The following EXOC6B variants were observed in gnomAD, a reference collection of about 807,000 sequenced individuals.
The protein encoded by EXOC6B is SEC15 homolog B.
Under a neutral mutation model 113.5 loss-of-function variants are expected in EXOC6B, and 54 were observed. The observed-to-expected ratio is 0.48, with a 90% CI of 0.38 to 0.60. The LOEUF is 0.60. EXOC6B is among the 20% of genes least tolerant of loss of function. The pLI is 0.00. For synonymous variants in EXOC6B, 357 were observed against 339.0 expected, an observed-to-expected ratio of 1.05 and a Z score of -0.58; for missense variants, 797 against 977.5, an observed-to-expected ratio of 0.82 and a Z score of 2.46.
chr2:72,506,290 T>C (rs1700591263), intron 11 of EXOC6B, among the ~76,000 whole-genome samples: 1 of 152,156 alleles, frequency 6.6e-6, no homozygotes, highest in Admixed American at 6.5e-5. Flanking sequence ...ACTGCCTAGA[T>C]AGGAGATTTC....
At chr2:72,265,019 G>A (rs13395517) in intron 20 of EXOC6B, among the ~76,000 whole-genome samples, 2,144 of 152,022 alleles carry the variant, frequency 0.014, 53 homozygotes, top group African/African-American at 0.049. Flanking sequence ...AAACGTGGAA[G>A]CGACTTTGGA....
chr2:72,636,927 CA>C (rs35608424), intron 6 of EXOC6B, among the ~76,000 whole-genome samples: 2,744 of 140,672 alleles, frequency 0.02, 42 homozygotes, highest in Non-Finnish European at 0.029. Flanking sequence ...AAGCAATCTA[CA>C]AAAAAAAAAA....
chr2:72,823,208 T>C (rs543778291), intron 1 of EXOC6B, among the ~76,000 whole-genome samples: 52 of 140,564 alleles, frequency 3.7e-4, no homozygotes, highest in African/African-American at 1.4e-3. Flanking sequence ...AATAATCATA[T>C]AGGAAGTCAA....
intron 7 of EXOC6B, among the ~76,000 whole-genome samples, chr2:72,568,297 A>G (rs999403404): frequency 1.3e-5 from 2 of 152,026 alleles, no homozygotes; most frequent in African/African-American, 2.4e-5. Flanking sequence ...AAGGAAAAAA[A>G]TCTGCTAGAA....
chr2:72,316,738 G>A (rs1009680800), intron 20 of EXOC6B, among the ~76,000 whole-genome samples: 2 of 152,188 alleles, frequency 1.3e-5, no homozygotes, highest in Admixed American at 6.5e-5. Flanking sequence ...GAACTCAGAA[G>A]CTAATGGTGA....
At chr2:72,433,027 G>C (rs1238747001) in intron 18 of EXOC6B, among the ~76,000 whole-genome samples, 1 of 152,146 alleles carries the variant, frequency 6.6e-6, no homozygotes, top group Non-Finnish European at 1.5e-5. Flanking sequence ...TTCTTCTACA[G>C]TTTTTATGAT....
chr2:72,194,615 ATG>A (rs1679052352), intron 20 of EXOC6B, among the ~76,000 whole-genome samples: 1 of 142,532 alleles, frequency 7.0e-6, no homozygotes, highest in African/African-American at 2.9e-5. Flanking sequence ...GTGTGTGCAT[ATG>A]TGTGTGTGCA....
At chr2:72,330,160 T>C (rs955629140) in intron 20 of EXOC6B, among the ~76,000 whole-genome samples, 1 of 152,060 alleles carries the variant, frequency 6.6e-6, no homozygotes, top group Non-Finnish European at 1.5e-5. Context: ...GGGATGTTAC[T>C]AAGAAAAGGA....
intron 19 of EXOC6B, among the ~76,000 whole-genome samples, chr2:72,377,864 A>C (rs886355377): frequency 2.3e-4 from 35 of 152,292 alleles, no homozygotes; most frequent in African/African-American, 8.4e-4. Flanking sequence ...CACCTAAAAA[A>C]GTATATGAAG....
chr2:72,715,279 A>C (rs889869579), intron 6 of EXOC6B, among the ~76,000 whole-genome samples: 2 of 152,004 alleles, frequency 1.3e-5, no homozygotes, highest in African/African-American at 2.4e-5. Flanking sequence ...TCAGGCAAAA[A>C]GCAAAAAGCA....
chr2:72,718,393 C>A lies in EXOC6B; in HGVS notation c.465-86G>T. 10 of 961,262 alleles carry A rather than the reference C, an allele frequency of 1.0e-5. No individual in the cohort carries two copies. The South Asian group carries it at 1.7e-4, about 16-fold the overall frequency. The allele number at this position is 961,262 out of a possible 1,614,324, so 59.5% of individuals were successfully genotyped here. A position where few individuals can be genotyped will look rare whatever the true frequency, so the allele number is the denominator to read the frequency against. ...CTAGCCTGAATTGGTTTTCACTGTGCATTAACACAAATCCAGCATGAAGTT... is the reference window on the plus strand; with the variant it reads ...CTAGCCTGAATTGGTTTTCACTGTGAATTAACACAAATCCAGCATGAAGTT... On this transcript the variant is annotated intron_variant, in intron 5 of 21. Transcript: ENST00000272427.
At chr2:72,407,170 A>G (rs1009539433) in intron 18 of EXOC6B, among the ~76,000 whole-genome samples, 1 of 152,216 alleles carries the variant, frequency 6.6e-6, no homozygotes, top group South Asian at 2.1e-4. Context: ...ACCAGGAAGA[A>G]GTTGAATCTC....
rs140860267 is a variant in EXOC6B at position 72,555,968 on chromosome 2, G to T, written c.915+3485C>A. Reference sequence around the variant, plus strand: ...GCCTCAGGCAGTGTTCTTTATAGCAGTGTGACAACAGACTAATACAGTTTC... The same window carrying T: ...GCCTCAGGCAGTGTTCTTTATAGCATTGTGACAACAGACTAATACAGTTTC... On this transcript the variant is annotated intron_variant, in intron 8 of 21. Transcript: ENST00000272427. Among the ~76,000 whole-genome samples, 182 of 152,202 alleles carry T rather than the reference G, an allele frequency of 1.2e-3. 2 individuals carry two copies. Among genetic ancestry groups the T allele is most frequent in the African/African-American group, 4.2e-3 (173 of 41,544 alleles).
In EXOC6B at chr2:72,499,510, C is replaced by T. The variant is rs148008556; in HGVS notation, c.1239+391G>A. 4.0e-3 allele frequency among the ~76,000 whole-genome samples: 605 copies of T among 151,312 alleles called. 12 individuals are homozygous for T. The highest frequency in any genetic ancestry group is 0.014 in the African/African-American group (591 of 41,112). ...CCTCCCAAAGTGCTGAAATAACAGG[C>T]GTGAGGTACTGCACCCAGTCAGATT... is the stretch of plus-strand genomic sequence containing the variant. On this transcript the variant is annotated intron_variant, in intron 12 of 21. Coordinates refer to ENST00000272427, the MANE Select transcript of EXOC6B (RefSeq NM_015189.3).
At chr2:72,787,782 A>G (rs1684457531) in intron 1 of EXOC6B, among the ~76,000 whole-genome samples, 1 of 151,944 alleles carries the variant, frequency 6.6e-6, no homozygotes, top group African/African-American at 2.4e-5. Flanking sequence ...ACGTGCCACC[A>G]TGCCCAGCTA....
At chr2:72,355,244 T>G (rs547217352) in intron 19 of EXOC6B, among the ~76,000 whole-genome samples, 1 of 152,328 alleles carries the variant, frequency 6.6e-6, no homozygotes, top group Admixed American at 6.5e-5. Flanking sequence ...AATTGCCAAC[T>G]TATTGATTCT....
intron 5 of EXOC6B, among the ~76,000 whole-genome samples, 183 bp from the exon 6 acceptor site, chr2:72,718,490 T>C (rs1354492703): frequency 6.6e-6 from 1 of 152,118 alleles, no homozygotes; most frequent in Non-Finnish European, 1.5e-5. Flanking sequence ...ACCAGGAAAT[T>C]ATAATCAAAA....
At chr2:72,319,987 C>G (rs1687757573) in intron 20 of EXOC6B, among the ~76,000 whole-genome samples, 1 of 152,048 alleles carries the variant, frequency 6.6e-6, no homozygotes, top group Non-Finnish European at 1.5e-5. Context: ...CAGGCACATG[C>G]CACCACAACC....
chr2:72,354,190 T>C (rs1689839213), intron 19 of EXOC6B: 1 of 152,160 alleles, frequency 6.6e-6, no homozygotes, highest in African/African-American at 2.4e-5. Flanking sequence ...CTGTCCATAG[T>C]TAGAGATGGA....
Sources: gnomAD v4.1 joint callset for allele counts (sites outside exome capture counted in the v4.1 genomes callset) on GRCh38, gnomAD v4.1.1 for gene constraint, MANE v1.5 for transcripts, NCBI Gene and HGNC (gene_info 2026-07-23, HGNC 2026-07-21) for gene names.